SLC25A48: variants seen among roughly 807,000 people sequenced by gnomAD.
SLC25A48 encodes solute carrier family 25 member 48.
Under a neutral mutation model 32.2 loss-of-function variants are expected in SLC25A48, and 29 were observed. That is an observed-to-expected ratio of 0.90 (90% CI 0.67 to 1.23). The LOEUF is 1.23. SLC25A48 is among the 50% of genes most tolerant of loss of function. The pLI is 0.00. For synonymous variants in SLC25A48, 164 were observed against 172.3 expected, an observed-to-expected ratio of 0.95 and a Z score of 0.38; for missense variants, 399 against 422.7, an observed-to-expected ratio of 0.94 and a Z score of 0.49.
intron 4 of SLC25A48, among the ~76,000 whole-genome samples, chr5:135,815,810 C>T (rs968582285): frequency 1.3e-5 from 2 of 152,224 alleles, no homozygotes; most frequent in Non-Finnish European, 2.9e-5. Context: ...TGATTATGAC[C>T]TGTAATACAG....
chr5:135,676,830 T>C (rs539835033), intron 3 of SLC25A48, among the ~76,000 whole-genome samples: 2 of 152,074 alleles, frequency 1.3e-5, no homozygotes, highest in Non-Finnish European at 2.9e-5. Flanking sequence ...CTTGATATGA[T>C]TTTGATTTTT....
intron 3 of SLC25A48, among the ~76,000 whole-genome samples, chr5:135,772,599 AGAGC>A (rs1756442729): frequency 2.0e-5 from 3 of 151,680 alleles, no homozygotes; most frequent in East Asian, 1.9e-4. Flanking sequence ...GGGGGTGTAC[AGAGC>A]CTGTGATATT....
intron 3 of SLC25A48, among the ~76,000 whole-genome samples, chr5:135,690,452 A>T (rs1265839849): frequency 6.6e-6 from 1 of 152,160 alleles, no homozygotes; most frequent in African/African-American, 2.4e-5. Context: ...CTGAGATTGT[A>T]TGAGGAGATT....
rs766904264 is a variant in SLC25A48 at position 135,888,050 on chromosome 5, C to T, written c.*26C>T. The T allele has an allele frequency of 6.4e-7, 1 of 1,551,638 alleles. No homozygotes were observed. Among genetic ancestry groups the T allele is most frequent in the Non-Finnish European group, 8.7e-7 (1 of 1,146,788 alleles). ...TTTCCAGGAGGTGAACACAGGATGA[C>T]TACAGTGTTCCCTGGGCCTCATCTC... On this transcript the variant is annotated 3_prime_UTR_variant, in exon 8 of 8. Coordinates refer to ENST00000681962, the MANE Select transcript of SLC25A48 (RefSeq NM_001349336.2).
At chr5:135,852,959 G>A (rs1760020073) in intron 4 of SLC25A48, 138 bp downstream of exon 4, 5 of 1,185,052 alleles carry the variant, frequency 4.2e-6, no homozygotes, top group Non-Finnish European at 5.8e-6. Context: ...GTAATTACAG[G>A]CATACCTCGG....
At chr5:135,616,046 T>C (rs896606956) in intron 1 of SLC25A48, among the ~76,000 whole-genome samples, 7 of 152,114 alleles carry the variant, frequency 4.6e-5, no homozygotes, top group African/African-American at 1.7e-4. Context: ...AGTGCAAGAG[T>C]TGAGACTTGG....
chr5:135,641,476 A>G lies in SLC25A48; in HGVS notation c.-521+6520A>G, dbSNP rs146395170. On this transcript the variant is annotated intron_variant, in intron 3 of 10. Coordinates refer to the SLC25A48 transcript ENST00000646290. ...CTGTAGTGTAGACTCAGTATAAATCAATATTTGCTCCAAGGGACTCTCATT... is the reference window on the plus strand; with the variant it reads ...CTGTAGTGTAGACTCAGTATAAATCGATATTTGCTCCAAGGGACTCTCATT... Among the ~76,000 whole-genome samples the G allele has an allele frequency of 1.6e-4, 23 of 146,072 alleles. No homozygotes were observed. The East Asian group carries it at 4.8e-3, about 30-fold the overall frequency.
At chr5:135,638,619 C>G (rs1290126808) in intron 3 of SLC25A48, among the ~76,000 whole-genome samples, 6 of 152,112 alleles carry the variant, frequency 3.9e-5, no homozygotes, top group Admixed American at 3.9e-4. Flanking sequence ...AGAGAAATAC[C>G]AAATCCCCAG....
intron 3 of SLC25A48, among the ~76,000 whole-genome samples, chr5:135,655,125 G>A (rs547756516): frequency 2.0e-4 from 31 of 152,228 alleles, no homozygotes; most frequent in Admixed American, 1.9e-3. Flanking sequence ...AGCGGGAAGC[G>A]AATCCGAGAT....
intron 6 of SLC25A48, among the ~76,000 whole-genome samples, chr5:135,878,243 G>A (rs1380604081): frequency 1.3e-5 from 2 of 152,192 alleles, no homozygotes; most frequent in African/African-American, 4.8e-5. Context: ...GCCCGGGGCT[G>A]TGGGACAGAA....
intron 3 of SLC25A48, among the ~76,000 whole-genome samples, chr5:135,719,143 C>G (rs1446504686): frequency 6.6e-6 from 1 of 152,156 alleles, no homozygotes. Flanking sequence ...CTGCAATTAT[C>G]TCAAAATCAA....
At chr5:135,827,844 G>A (rs975688397) in intron 4 of SLC25A48, among the ~76,000 whole-genome samples, 2 of 151,776 alleles carry the variant, frequency 1.3e-5, no homozygotes, top group African/African-American at 2.4e-5. Context: ...TGTCATTTTA[G>A]TTTGGGGCCT....
intron 3 of SLC25A48, among the ~76,000 whole-genome samples, chr5:135,710,309 C>G (rs1016121424): frequency 6.6e-6 from 1 of 152,204 alleles, no homozygotes; most frequent in Non-Finnish European, 1.5e-5. Context: ...TCATTGGGAA[C>G]CTAGAGCAGA....
At chr5:135,723,580 C>A (rs10515474) in intron 3 of SLC25A48, among the ~76,000 whole-genome samples, 42,910 of 150,046 alleles carry the variant, frequency 0.29, 6,301 homozygotes, top group East Asian at 0.47. Flanking sequence ...ACTGTAAAAC[C>A]ATAACAGAAA....
intron 4 of SLC25A48, among the ~76,000 whole-genome samples, chr5:135,825,317 C>A (rs1453726326): frequency 6.6e-6 from 1 of 152,194 alleles, no homozygotes; most frequent in Non-Finnish European, 1.5e-5. Flanking sequence ...GCCAAGGGCA[C>A]ATAGCTAGCA....
At chr5:135,600,268 G>A (rs577816513) in intron 1 of SLC25A48, among the ~76,000 whole-genome samples, 8 of 152,192 alleles carry the variant, frequency 5.3e-5, no homozygotes, top group Non-Finnish European at 1.2e-4. Flanking sequence ...GAATAATGTG[G>A]TTCTCCTGCT....
chr5:135,757,819 ATATC>A (rs943838792), intron 3 of SLC25A48, among the ~76,000 whole-genome samples: 34 of 150,358 alleles, frequency 2.3e-4, no homozygotes, highest in Non-Finnish European at 2.1e-4. Flanking sequence ...TATTAATAAA[ATATC>A]TATATGAAAT....
At chr5:135,835,040 G>A in intron 1 of SLC25A48, 147 bp downstream of exon 1, 1 of 957,790 alleles carries the variant, frequency 1.0e-6, no homozygotes, top group Non-Finnish European at 1.6e-6. Flanking sequence ...CCGGCCCCGA[G>A]ATCCCCCTGG....
At chr5:135,753,819 A>G (rs138411096) in intron 3 of SLC25A48, among the ~76,000 whole-genome samples, 34 of 152,054 alleles carry the variant, frequency 2.2e-4, no homozygotes, top group African/African-American at 7.7e-4. Flanking sequence ...ATTAGCAGTC[A>G]TATCTCGAGG....
Sources: gnomAD v4.1 joint callset for allele counts (sites outside exome capture counted in the v4.1 genomes callset) on GRCh38, gnomAD v4.1.1 for gene constraint, MANE v1.5 for transcripts, NCBI Gene and HGNC (gene_info 2026-07-23, HGNC 2026-07-21) for gene names.